Variants in ERV3-1 observed in about 807,000 individuals in gnomAD.
ERV3-1 encodes endogenous retrovirus group 3 member 1, envelope.
In ERV3-1, 36 loss-of-function variants were observed where a neutral mutation model predicts 24.6. The ratio of observed to expected loss-of-function variants is 1.47; its 90% CI spans 1.12 to 1.94. ERV3-1 has a LOEUF of 1.94. Among genes scored for constraint, ERV3-1 ranks in the 30% most tolerant of loss-of-function variants. The pLI is 0.00. For synonymous variants in ERV3-1, 211 were observed against 122.6 expected (o/e 1.72, Z -4.76); for missense variants, 578 against 330.9 (o/e 1.75, Z -5.79).
chr7:65,003,115 G>C (rs563127197), intron 1 of ERV3-1, among the ~76,000 whole-genome samples: 8 of 152,178 alleles, frequency 5.3e-5, no homozygotes, highest in East Asian at 1.9e-4. Context: ...CAGTATAAAG[G>C]CTTCTTCCAT....
intron 1 of ERV3-1, chr7:65,003,599 G>T (rs1034348818): frequency 1.3e-5 from 2 of 152,144 alleles, no homozygotes; most frequent in African/African-American, 4.8e-5. Flanking sequence ...CTTGGTTTTT[G>T]AAACTGAAAA....
rs567871462 is a variant in ERV3-1 at position 64,991,866 on chromosome 7, T to C, written c.1161A>G (p.Pro387=). 5 of 766,294 alleles carry C rather than the reference T, an allele frequency of 6.5e-6. No individual in the cohort carries two copies. The highest frequency in any genetic ancestry group is 3.4e-5 in the African/African-American group (2 of 59,222). 47.5% of individuals were successfully genotyped at this position (766,294 alleles called of 1,614,324 possible). A position where few individuals can be genotyped will look rare whatever the true frequency, so the allele number is the denominator to read the frequency against. Residue 387 remains proline, a synonymous_variant, in exon 2 of 2, where the codon CCA becomes CCG. Transcript: ENST00000394323. Reference sequence around the variant, plus strand: ...GGAAACGAGAGAATGGGCTTGGGTGTGGTGATTCAGAATTATTGCTTTTGC... The same window carrying C: ...GGAAACGAGAGAATGGGCTTGGGTGCGGTGATTCAGAATTATTGCTTTTGC... ...WRGKSNNSES[P]HPSPFSRFPS... is the part of the protein sequence containing the mutation.
Position 64,992,229 on chromosome 7 carries a change from A to G in ERV3-1, c.798T>C (p.Pro266=), listed in dbSNP as rs1786287661. ...SFYEHVNQKL[P]EPPPLASNLF... ...AATTACTGGCCAAGGGAGGGGGCTC[A>G]GGCAATTTCTGGTTAACATGCTCAT... Residue 266 remains proline, a synonymous_variant, in exon 2 of 2, where the codon CCT becomes CCC. Coordinates refer to ENST00000394323, the MANE Select transcript of ERV3-1 (RefSeq NM_001007253.4). The G allele has an allele frequency of 3.9e-6, 3 of 766,294 alleles. No homozygotes were observed. The highest frequency in any genetic ancestry group is 1.7e-5 in the African/African-American group (1 of 59,114). The allele number at this position is 766,294 out of a possible 1,614,324, so 47.5% of individuals were successfully genotyped here.
intron 1 of ERV3-1, among the ~76,000 whole-genome samples, chr7:64,997,616 G>A (rs2129123497): frequency 6.6e-6 from 1 of 152,226 alleles, no homozygotes; most frequent in East Asian, 1.9e-4. Context: ...CTGGCTTCTG[G>A]GAATTGGCCC....
intron 1 of ERV3-1, among the ~76,000 whole-genome samples, chr7:64,999,761 G>A (rs997755651): frequency 3.9e-5 from 6 of 152,210 alleles, no homozygotes; most frequent in African/African-American, 1.4e-4. Context: ...GGCGGAAACT[G>A]ATAAGGAGAA....
In ERV3-1 at chr7:64,992,399, G is replaced by A. The variant is rs1159554431; in HGVS notation, c.628C>T (p.Pro210Ser). 1.3e-6 allele frequency: 1 copy of A among 766,200 alleles called. No individual in the cohort carries two copies. Among genetic ancestry groups the A allele is most frequent in the Non-Finnish European group, 2.4e-6 (1 of 417,896 alleles). 47.5% of individuals were successfully genotyped at this position (766,200 alleles called of 1,614,324 possible). A position where few individuals can be genotyped will look rare whatever the true frequency, so the allele number is the denominator to read the frequency against. The change falls in exon 2 of 2, where the codon CCC becomes TCC. Residue 210 changes from proline to serine, a missense_variant. Physicochemically the swap from Pro to Ser is moderately conservative, Grantham distance 74. Transcript: ENST00000394323. ...GCTTTTAAACCTGTTGTCCATATGGGCTGATCTGGCTCTAAGATGGTAAGA... is the reference window on the plus strand; with the variant it reads ...GCTTTTAAACCTGTTGTCCATATGGACTGATCTGGCTCTAAGATGGTAAGA... ...VNLTILEPDQPIWTTGLKAPL... is the reference protein window; with the variant it reads ...VNLTILEPDQSIWTTGLKAPL...
At chr7:65,002,570 C>A (rs925201704) in intron 1 of ERV3-1, among the ~76,000 whole-genome samples, 7 of 152,150 alleles carry the variant, frequency 4.6e-5, no homozygotes, top group Non-Finnish European at 1.0e-4. Flanking sequence ...TCAAGTGATC[C>A]CCCGGCCTTG....
Position 64,992,250 on chromosome 7 carries a change from C to T in ERV3-1, c.777G>A (p.Glu259=). Residue 259 remains glutamate, a synonymous_variant, in exon 2 of 2, where the codon GAG becomes GAA. Coordinates refer to ENST00000394323, the MANE Select transcript of ERV3-1 (RefSeq NM_001007253.4). ...QQFRVFESFY[E]HVNQKLPEPP... ...GCTCAGGCAATTTCTGGTTAACATG[C>T]TCATAGAATGACTCAAAAACTCGGA... 1 of 766,320 alleles carries T rather than the reference C, an allele frequency of 1.3e-6. No individual in the cohort carries two copies. The highest frequency in any genetic ancestry group is 2.4e-6 in the Non-Finnish European group (1 of 417,884). The allele number at this position is 766,320 out of a possible 1,614,324, so 47.5% of individuals were successfully genotyped here.
intron 1 of ERV3-1, among the ~76,000 whole-genome samples, chr7:64,999,318 C>A (rs1280500239): frequency 6.6e-6 from 1 of 152,234 alleles, no homozygotes; most frequent in Non-Finnish European, 1.5e-5. Flanking sequence ...AACCTGTAGT[C>A]TCCCCTCCTG....
At chr7:65,001,353 T>C (rs777861039) in intron 1 of ERV3-1, among the ~76,000 whole-genome samples, 3 of 152,148 alleles carry the variant, frequency 2.0e-5, no homozygotes, top group Non-Finnish European at 4.4e-5. Flanking sequence ...AGAGAACAGG[T>C]TGCTGCTGCA....
rs1786252702 is a variant in ERV3-1 at position 64,991,094 on chromosome 7, T to C, written c.*118A>G. 5 of 590,428 alleles carry C rather than the reference T, an allele frequency of 8.5e-6. No homozygotes were observed. The highest frequency in any genetic ancestry group is 4.5e-5 in the South Asian group (2 of 44,880). The allele number at this position is 590,428 out of a possible 1,614,324, so 36.6% of individuals were successfully genotyped here. A position where few individuals can be genotyped will look rare whatever the true frequency, so the allele number is the denominator to read the frequency against. On this transcript the variant is annotated 3_prime_UTR_variant, in exon 2 of 2. Coordinates refer to ENST00000394323, the MANE Select transcript of ERV3-1 (RefSeq NM_001007253.4). ...ATGGCTGTTTGGATATTTTTGACAA[T>C]GAGGGGTAAGAGACAAGGGAGTATA... is the stretch of plus-strand genomic sequence containing the variant.
intron 1 of ERV3-1, among the ~76,000 whole-genome samples, chr7:64,999,313 G>A (rs931822263): frequency 2.0e-5 from 3 of 152,240 alleles, no homozygotes; most frequent in Non-Finnish European, 4.4e-5. Context: ...CAGTAAACCT[G>A]TAGTCTCCCC....
intron 1 of ERV3-1, among the ~76,000 whole-genome samples, chr7:65,002,240 T>A (rs1211903614): frequency 6.6e-6 from 1 of 152,254 alleles, no homozygotes; most frequent in East Asian, 1.9e-4. Flanking sequence ...ACTTATCACA[T>A]AACCAGACAC....
At chr7:65,003,949 T>G (rs1463510908) in intron 1 of ERV3-1, 1 of 152,216 alleles carries the variant, frequency 6.6e-6, no homozygotes, top group African/African-American at 2.4e-5. Context: ...TATGGAAATG[T>G]ATTCATTTTC....
At chr7:64,995,689 T>C (rs1295723646) in intron 1 of ERV3-1, among the ~76,000 whole-genome samples, 2 of 152,234 alleles carry the variant, frequency 1.3e-5, no homozygotes, top group Admixed American at 6.5e-5. Context: ...TGGCTTACTA[T>C]GAAGCCTAAA....
At chr7:65,000,737 A>G (rs1469380386) in intron 1 of ERV3-1, among the ~76,000 whole-genome samples, 1 of 152,186 alleles carries the variant, frequency 6.6e-6, no homozygotes, top group Non-Finnish European at 1.5e-5. Context: ...GTGAGCCAAG[A>G]TCACATCACT....
chr7:65,004,477 A>C (rs981773625), intron 1 of ERV3-1: 2 of 152,218 alleles, frequency 1.3e-5, no homozygotes, highest in Non-Finnish European at 2.9e-5. Context: ...GTCTTCCTTA[A>C]ATGAGTATTC....
rs1786250310 is a variant in ERV3-1 at position 64,991,014 on chromosome 7, ATACT to A, written c.*194_*197del. 3 of 466,546 alleles carry A rather than the reference ATACT, an allele frequency of 6.4e-6. No homozygotes were observed. Among genetic ancestry groups the A allele is most frequent in the Admixed American group, 3.7e-5 (1 of 26,812 alleles). 28.9% of individuals were successfully genotyped at this position (466,546 alleles called of 1,614,324 possible). ...GTAGCTCTTTTCTTGGCAGGGGTTA[ATACT>A]TAGTTAGGGCCATTAGTCGTGTGGT... is the stretch of plus-strand genomic sequence containing the variant. On this transcript the variant is annotated 3_prime_UTR_variant, in exon 2 of 2. Coordinates refer to ENST00000394323, the MANE Select transcript of ERV3-1 (RefSeq NM_001007253.4).
At chr7:64,999,410 C>T (rs62456482) in intron 1 of ERV3-1, among the ~76,000 whole-genome samples, 5,598 of 152,290 alleles carry the variant, frequency 0.037, 165 homozygotes, top group East Asian at 0.15. Flanking sequence ...TAGGTGACCA[C>T]CAGCCCAGCC....
Sources: allele counts gnomAD v4.1 joint callset (sites outside exome capture counted in the v4.1 genomes callset), GRCh38; gene constraint gnomAD v4.1.1; transcripts MANE v1.5; gene names NCBI Gene and HGNC (gene_info 2026-07-23, HGNC 2026-07-21).